GRIP1: variants seen among roughly 807,000 people sequenced by gnomAD.
The protein encoded by GRIP1 is glutamate receptor-interacting protein 1.
In GRIP1, 45 loss-of-function variants were observed where a neutral mutation model predicts 129.9. That is an observed-to-expected ratio of 0.35 (90% CI 0.27 to 0.44). GRIP1 has a LOEUF of 0.44. Among genes scored for constraint, GRIP1 ranks in the 20% least tolerant of loss-of-function variants. The pLI, the probability that GRIP1 is intolerant of heterozygous loss-of-function variation, is 1.00. For synonymous variants in GRIP1, 530 were observed against 520.8 expected (o/e 1.02, Z -0.24); for missense variants, 1,196 against 1,396.8 (o/e 0.86, Z 2.29).
chr12:66,809,627 G>A (rs2039064668), intron 1 of GRIP1, among the ~76,000 whole-genome samples: 1 of 151,232 alleles, frequency 6.6e-6, no homozygotes, highest in Non-Finnish European at 1.5e-5. Context: ...CATAGATCAT[G>A]TAACTCATGA....
intron 7 of GRIP1, among the ~76,000 whole-genome samples, chr12:66,475,007 T>A (rs2059561325): frequency 6.6e-6 from 1 of 152,186 alleles, no homozygotes; most frequent in Non-Finnish European, 1.5e-5. Context: ...ATGGGCTAAA[T>A]GCTCCAATTA....
At chr12:66,619,074 T>C (rs967318003) in intron 1 of GRIP1, among the ~76,000 whole-genome samples, 11 of 152,102 alleles carry the variant, frequency 7.2e-5, no homozygotes, top group African/African-American at 2.4e-4. Context: ...TTGTTTGAGG[T>C]CTTCTTTGTG....
At chr12:66,616,847 C>T (rs7971561) in intron 1 of GRIP1, among the ~76,000 whole-genome samples, 6,298 of 152,166 alleles carry the variant, frequency 0.041, 195 homozygotes, top group East Asian at 0.12. Flanking sequence ...GTGACTGTGG[C>T]TTAGCCCAGA....
At chr12:66,494,970 A>G (rs996713208) in intron 7 of GRIP1, among the ~76,000 whole-genome samples, 2 of 152,152 alleles carry the variant, frequency 1.3e-5, no homozygotes, top group African/African-American at 4.8e-5. Flanking sequence ...ATTATAATGT[A>G]TGTGTCCTAG....
chr12:66,480,815 T>G (rs7135945), intron 7 of GRIP1, among the ~76,000 whole-genome samples: 40,486 of 152,016 alleles, frequency 0.27, 5,610 homozygotes, highest in Middle Eastern at 0.43. Flanking sequence ...ATGGGGAAAG[T>G]ATTCCCTATT....
At chr12:66,851,890 T>G (rs2039918731) in intron 1 of GRIP1, among the ~76,000 whole-genome samples, 1 of 152,132 alleles carries the variant, frequency 6.6e-6, no homozygotes, top group Non-Finnish European at 1.5e-5. Flanking sequence ...ATTTTTAAGT[T>G]CTGTCATTTT....
chr12:66,707,747 T>G (rs2035583437), intron 1 of GRIP1, among the ~76,000 whole-genome samples: 1 of 151,960 alleles, frequency 6.6e-6, no homozygotes, highest in Non-Finnish European at 1.5e-5. Context: ...TAGAATTATT[T>G]TCAATGCCCT....
intron 15 of GRIP1, among the ~76,000 whole-genome samples, chr12:66,415,402 C>T (rs764034332): frequency 9.9e-5 from 15 of 152,022 alleles, no homozygotes; most frequent in Admixed American, 7.9e-4. Context: ...ATGGCAATTA[C>T]GAAAAAGTCA....
At chr12:66,380,648 GTCT>G (rs2056063079) in intron 19 of GRIP1, among the ~76,000 whole-genome samples, 1 of 152,160 alleles carries the variant, frequency 6.6e-6, no homozygotes, top group Admixed American at 6.5e-5. Flanking sequence ...GGAAATTATA[GTCT>G]TTGCAAGTAT....
At position 66,771,109 on chromosome 12, in the gene GRIP1, G is replaced by GA. The variant is rs199664678; in HGVS notation, c.-420+32943dup. Among the ~76,000 whole-genome samples, 61 of 150,292 alleles carry GA rather than the reference G, an allele frequency of 4.1e-4. 1 individual carries two copies. The South Asian group carries it at 9.9e-3, about 24-fold the overall frequency. ...CTCTGTCTCAAAAGAAAGATAGAAA[G>GA]AAAAAAAAACCCTCAGCAGTTGGCC... On this transcript the variant is annotated intron_variant, in intron 1 of 4. Transcript: ENST00000538373.
At chr12:66,410,074 C>A (rs1167227582) in intron 15 of GRIP1, among the ~76,000 whole-genome samples, 17 of 148,352 alleles carry the variant, frequency 1.1e-4, no homozygotes, top group South Asian at 2.2e-4. Context: ...AACGGTGAAA[C>A]CCCGTCTCTA....
intron 7 of GRIP1, among the ~76,000 whole-genome samples, chr12:66,482,736 G>C (rs2059841130): frequency 6.6e-6 from 1 of 152,138 alleles, no homozygotes; most frequent in Non-Finnish European, 1.5e-5. Flanking sequence ...GATAAATGGG[G>C]CACTCTTATT....
intron 7 of GRIP1, among the ~76,000 whole-genome samples, chr12:66,501,938 T>C (rs1478228842): frequency 3.3e-5 from 5 of 152,174 alleles, no homozygotes; most frequent in Non-Finnish European, 7.3e-5. Flanking sequence ...AATTTGTAAT[T>C]GTCAATGGGA....
chr12:66,888,416 G>A (rs1256554196), intron 1 of GRIP1, among the ~76,000 whole-genome samples: 1 of 152,170 alleles, frequency 6.6e-6, no homozygotes, highest in Non-Finnish European at 1.5e-5. Context: ...CTGGAGTACA[G>A]TGGCGCGATC....
chr12:66,348,689 G>GT lies in GRIP1; in HGVS notation c.*329dup. 1 of 297,774 alleles carries GT rather than the reference G, an allele frequency of 3.4e-6. No homozygotes were observed. Among genetic ancestry groups the GT allele is most frequent in the East Asian group, 7.1e-5 (1 of 14,168 alleles). The allele number at this position is 297,774 out of a possible 1,614,324, so 18.4% of individuals were successfully genotyped here. A position where few individuals can be genotyped will look rare whatever the true frequency, so the allele number is the denominator to read the frequency against. On this transcript the variant is annotated 3_prime_UTR_variant, in exon 25 of 25. Transcript: ENST00000359742. ...TCACAGAGAATATTTTCAAACAGAT[G>GT]TTTCTCTTTTTAAAAAGTGATAGTA...
intron 15 of GRIP1, chr12:66,407,486 C>G (rs1365789118): frequency 6.6e-6 from 1 of 152,362 alleles, no homozygotes; most frequent in Non-Finnish European, 1.5e-5. Context: ...GCCCCTCCCC[C>G]ATTCCTTCTG....
intron 1 of GRIP1, among the ~76,000 whole-genome samples, chr12:67,015,240 G>T (rs1297154318): frequency 6.6e-6 from 1 of 152,126 alleles, no homozygotes; most frequent in Non-Finnish European, 1.5e-5. Flanking sequence ...TATCCCAGAG[G>T]TCATATGAAC....
intron 14 of GRIP1, among the ~76,000 whole-genome samples, chr12:66,431,469 T>C (rs959691234): frequency 1.3e-5 from 2 of 152,240 alleles, no homozygotes; most frequent in African/African-American, 2.4e-5. Context: ...TTATTGGTTA[T>C]AAATAAAATT....
chr12:67,068,015 T>C (rs567643868), intron 1 of GRIP1, among the ~76,000 whole-genome samples: 15 of 152,160 alleles, frequency 9.9e-5, no homozygotes, highest in Non-Finnish European at 7.3e-5. Context: ...AGCAAAGGGA[T>C]AAACCCTGGT....
Sources: allele counts gnomAD v4.1 joint callset (sites outside exome capture counted in the v4.1 genomes callset), GRCh38; gene constraint gnomAD v4.1.1; transcripts MANE v1.5; gene names NCBI Gene and HGNC (gene_info 2026-07-23, HGNC 2026-07-21).